Variants in KLKB1 observed in about 807,000 individuals in gnomAD.
The protein encoded by KLKB1 is plasma kallikrein.
Under a neutral mutation model 73.6 loss-of-function variants are expected in KLKB1, and 58 were observed. The ratio of observed to expected loss-of-function variants is 0.79; its 90% CI spans 0.64 to 0.98. The LOEUF (loss-of-function observed/expected upper bound fraction) is 0.98. Ranked by LOEUF, KLKB1 falls within the 50% of genes least tolerant of loss-of-function variation. KLKB1 has a pLI of 0.00. For synonymous variants in KLKB1, 280 were observed against 258.1 expected (o/e 1.08, Z -0.81); for missense variants, 737 against 763.8 (o/e 0.96, Z 0.41).
chr4:186,237,998 G>A (rs933503159), intron 5 of KLKB1, among the ~76,000 whole-genome samples: 3 of 151,992 alleles, frequency 2.0e-5, no homozygotes, highest in Admixed American at 6.6e-5. Flanking sequence ...CTGAAGTTCC[G>A]TTTGCCCCAC....
chr4:186,231,760 T>C (rs933441930), intron 2 of KLKB1, among the ~76,000 whole-genome samples: 17 of 152,268 alleles, frequency 1.1e-4, no homozygotes, highest in African/African-American at 3.9e-4. Flanking sequence ...GAGATGTTTG[T>C]TACAAAAGTG....
intron 6 of KLKB1, among the ~76,000 whole-genome samples, chr4:186,242,979 C>T (rs1561457905): frequency 6.7e-6 from 1 of 148,724 alleles, no homozygotes; most frequent in Non-Finnish European, 1.5e-5. Context: ...TTATGTCTGA[C>T]AGAAGGGAAG....
In KLKB1 at chr4:186,250,343, TCACC is replaced by T. The variant is rs1406933002; in HGVS notation, c.701_704del (p.His234ProfsTer48). On this transcript the variant is annotated frameshift_variant, in exon 7 of 15. Transcript: ENST00000264690. LOFTEE classifies it high-confidence loss of function. Reference sequence around the variant, plus strand: ...TTGTGTGTCGGACCATCTGCACCTATCACCCCAACTGCCTCTTCTTTACATTCTA... The same window carrying T: ...TTGTGTGTCGGACCATCTGCACCTATCCAACTGCCTCTTCTTTACATTCTA... 1 of 1,614,014 alleles carries T rather than the reference TCACC, an allele frequency of 6.2e-7. No individual in the cohort carries two copies. The highest frequency in any genetic ancestry group is 1.3e-5 in the African/African-American group (1 of 74,914).
At chr4:186,236,718 G>A (rs1000106803) in intron 4 of KLKB1, 63 bp from the exon 5 acceptor site, 59 of 1,536,206 alleles carry the variant, frequency 3.8e-5, no homozygotes, top group Middle Eastern at 3.9e-4. Context: ...ATGGTAGTGG[G>A]TATCTAATCT....
chr4:186,230,880 A>T (rs1189075411), intron 2 of KLKB1, among the ~76,000 whole-genome samples: 1 of 152,182 alleles, frequency 6.6e-6, no homozygotes, highest in African/African-American at 2.4e-5. Context: ...TTGTCACTAA[A>T]CCAACTCCTC....
intron 5 of KLKB1, 33 bp downstream of exon 5, chr4:186,236,973 T>C: frequency 6.2e-7 from 1 of 1,609,690 alleles, no homozygotes; most frequent in Non-Finnish European, 8.5e-7. Context: ...GTTCTTTGTA[T>C]TGGTGCCTCC....
chr4:186,237,076 C>A, intron 5 of KLKB1, 136 bp downstream of exon 5: 1 of 723,698 alleles, frequency 1.4e-6, no homozygotes, highest in Non-Finnish European at 2.3e-6. Flanking sequence ...TTTACTTACT[C>A]TATTTTATTT....
upstream of KLKB1, chr4:186,227,456 T>C (rs1289505856): frequency 6.6e-6 from 1 of 152,220 alleles, no homozygotes; most frequent in African/African-American, 2.4e-5. Context: ...AAGTTGAAAC[T>C]GTTGGCAGAA....
rs1464607346 is a variant in KLKB1 at position 186,250,400 on chromosome 4, A to G, written c.756A>G (p.Gln252=). 2.5e-6 allele frequency: 4 copies of G among 1,613,734 alleles called. No individual in the cohort carries two copies. In the Admixed American group the frequency reaches 6.7e-5, roughly 27 times the overall value. The change falls in exon 7 of 15, where the codon CAA becomes CAG. Residue 252 remains glutamine (Q), a splice_region_variant and synonymous_variant. Coordinates refer to ENST00000264690, the MANE Select transcript of KLKB1 (RefSeq NM_000892.5). ...CAAATGTATGGAAAATCGAGTCACAAAGGCGAGTATGCATGGAAAATCGCA... is the reference window on the plus strand; with the variant it reads ...CAAATGTATGGAAAATCGAGTCACAGAGGCGAGTATGCATGGAAAATCGCA... The part of the protein sequence containing the change: ...FYTNVWKIES[Q]RNVCLLKTSE...
Position 186,236,869 on chromosome 4 carries a change from A to C in KLKB1, c.417A>C (p.Lys139Asn). The C allele has an allele frequency of 6.2e-7, 1 of 1,614,112 alleles. No homozygotes were observed. The highest frequency in any genetic ancestry group is 8.5e-7 in the Non-Finnish European group (1 of 1,180,000). ...SKVSSVEECQ[K>N]RCTSNIRCQF... The stretch of plus-strand genomic sequence containing the variant: ...TTAGCAGTGTTGAAGAATGCCAAAA[A>C]AGGTGCACCAGTAACATTCGCTGCC... The change falls in exon 5 of 15, where the codon AAA becomes AAC. Residue 139 changes from lysine (K) to asparagine (N), a missense_variant. Transcript: ENST00000264690.
chr4:186,237,242 G>A (rs995721250), intron 5 of KLKB1, among the ~76,000 whole-genome samples: 1 of 152,006 alleles, frequency 6.6e-6, no homozygotes, highest in African/African-American at 2.4e-5. Flanking sequence ...GGGATTACAG[G>A]CGTCCGCCAC....
upstream of KLKB1, among the ~76,000 whole-genome samples, chr4:186,222,553 T>TCCC (rs370713555): frequency 1.3e-3 from 196 of 152,336 alleles, no homozygotes; most frequent in African/African-American, 4.5e-3. Flanking sequence ...CTTCTCCTCC[T>TCCC]CCCACATTTT....
At position 186,251,343 on chromosome 4, in the gene KLKB1, T is replaced by C. The variant is rs1435576336; in HGVS notation, c.868+15T>C. On this transcript the variant is annotated intron_variant, in intron 8 of 14. Coordinates refer to ENST00000264690, the MANE Select transcript of KLKB1 (RefSeq NM_000892.5). ...AACTTTACCTGGTAATGTGATTTGA[T>C]AATAATATTACATAAAATGTAACCT... 2.6e-6 allele frequency: 4 copies of C among 1,537,054 alleles called. No homozygotes were observed. Among genetic ancestry groups the C allele is most frequent in the Non-Finnish European group, 3.6e-6 (4 of 1,109,972 alleles).
intron 6 of KLKB1, among the ~76,000 whole-genome samples, chr4:186,243,471 T>TTTCTATCCCTC (rs1251734527): frequency 6.6e-6 from 1 of 152,090 alleles, no homozygotes; most frequent in African/African-American, 2.4e-5. Flanking sequence ...CTGTGAGGGA[T>TTTCTATCCCTC]AGAAGTTGGA....
At chr4:186,244,229 A>G (rs1016381616) in intron 6 of KLKB1, among the ~76,000 whole-genome samples, 1 of 152,016 alleles carries the variant, frequency 6.6e-6, no homozygotes, top group East Asian at 1.9e-4. Context: ...GGGGTCAGCT[A>G]GCTTTGCTTT....
chr4:186,232,907 T>G (rs1470337802), intron 3 of KLKB1, among the ~76,000 whole-genome samples: 2 of 152,064 alleles, frequency 1.3e-5, no homozygotes, highest in Admixed American at 6.6e-5. Context: ...ATTGGAAAAA[T>G]AGTACTTACG....
intron 11 of KLKB1, among the ~76,000 whole-genome samples, chr4:186,254,032 C>G (rs1380175619): frequency 2.6e-5 from 4 of 152,138 alleles, no homozygotes; most frequent in Non-Finnish European, 5.9e-5. Context: ...GAGGTTTCAT[C>G]ATGTTGGTCA....
chr4:186,240,464 G>A (rs1266747074), intron 6 of KLKB1, among the ~76,000 whole-genome samples: 4 of 152,178 alleles, frequency 2.6e-5, no homozygotes, highest in Non-Finnish European at 5.9e-5. Context: ...TCTACCAGGG[G>A]TAGGGAAATA....
intron 2 of KLKB1, among the ~76,000 whole-genome samples, chr4:186,220,643 C>T (rs1323062730): frequency 2.0e-5 from 3 of 152,166 alleles, no homozygotes; most frequent in Non-Finnish European, 4.4e-5. Flanking sequence ...ATATGTTGAA[C>T]CATCCTTGCA....
Sources: gnomAD v4.1 joint callset for allele counts (sites outside exome capture counted in the v4.1 genomes callset) on GRCh38, gnomAD v4.1.1 for gene constraint, MANE v1.5 for transcripts, NCBI Gene and HGNC (gene_info 2026-07-23, HGNC 2026-07-21) for gene names.